RAP1A: variants seen among roughly 807,000 people sequenced by gnomAD.
RAP1A encodes RAP1A, member of RAS oncogene family, also known as ras-related protein Rap-1A.
Under a neutral mutation model 26.4 loss-of-function variants are expected in RAP1A, and 6 were observed. That is an observed-to-expected ratio of 0.23 (90% CI 0.12 to 0.45). The LOEUF is 0.45. Among genes scored for constraint, RAP1A ranks in the 20% least tolerant of loss-of-function variants. The pLI, the probability that RAP1A is intolerant of heterozygous loss-of-function variation, is 0.99. For missense variants in RAP1A, 121 were observed against 217.2 expected (o/e 0.56, Z 2.78); for synonymous variants, 73 against 79.4 (o/e 0.92, Z 0.43).
intron 1 of RAP1A, among the ~76,000 whole-genome samples, chr1:111,588,167 G>A (rs912711733): frequency 9.9e-5 from 15 of 152,116 alleles, no homozygotes; most frequent in Non-Finnish European, 1.8e-4. Flanking sequence ...CTGGAAATGT[G>A]TCCCTTCCTT....
chr1:111,642,681 G>T lies in RAP1A; in HGVS notation c.-28+22747G>T, dbSNP rs1446333480. Among the ~76,000 whole-genome samples the T allele has an allele frequency of 3.0e-4, 45 of 151,232 alleles. 1 individual carries two copies. Among genetic ancestry groups the T allele is most frequent in the Non-Finnish European group, 5.9e-5 (4 of 67,898 alleles). On this transcript the variant is annotated intron_variant, in intron 1 of 7. Coordinates refer to ENST00000369709, the MANE Select transcript of RAP1A (RefSeq NM_002884.4). ...TTTTTGTATTTTTAGCAGAGACAGGGTTTCACCATGTTAGCCAGGATGGTT... is the reference window on the plus strand; with the variant it reads ...TTTTTGTATTTTTAGCAGAGACAGGTTTTCACCATGTTAGCCAGGATGGTT...
At chr1:111,688,309 T>A (rs57924007) in intron 1 of RAP1A, among the ~76,000 whole-genome samples, 19 of 118,274 alleles carry the variant, frequency 1.6e-4, no homozygotes, top group African/African-American at 5.6e-4. Flanking sequence ...GTATATATAT[T>A]TTTTTCTTTC....
At chr1:111,602,930 G>A (rs1311562379) in intron 1 of RAP1A, among the ~76,000 whole-genome samples, 1 of 152,166 alleles carries the variant, frequency 6.6e-6, no homozygotes, top group African/African-American at 2.4e-5. Flanking sequence ...TATCAAGGGA[G>A]GACATAGTGT....
chr1:111,658,360 A>C (rs2101151857), intron 1 of RAP1A, among the ~76,000 whole-genome samples: 1 of 152,338 alleles, frequency 6.6e-6, no homozygotes, highest in South Asian at 2.1e-4. Flanking sequence ...AATTAAGTAA[A>C]TAAATAAAGT....
chr1:111,549,525 C>A (rs755541240), intron 1 of RAP1A, among the ~76,000 whole-genome samples: 6 of 151,698 alleles, frequency 4.0e-5, no homozygotes, highest in African/African-American at 7.3e-5. Context: ...TGGCATGCGC[C>A]TGTAGTCCCA....
chr1:111,562,852 G>C (rs1200391888), intron 1 of RAP1A, among the ~76,000 whole-genome samples: 1 of 152,174 alleles, frequency 6.6e-6, no homozygotes, highest in Non-Finnish European at 1.5e-5. Flanking sequence ...AATCAATCAA[G>C]TACTTTAGAA....
At chr1:111,611,657 G>A (rs1658928763) in intron 1 of RAP1A, among the ~76,000 whole-genome samples, 1 of 151,526 alleles carries the variant, frequency 6.6e-6, no homozygotes, top group Admixed American at 6.6e-5. Flanking sequence ...ACGCACAAGG[G>A]AACTGAAGCT....
chr1:111,629,123 G>A (rs749811913), intron 1 of RAP1A, among the ~76,000 whole-genome samples: 10 of 152,062 alleles, frequency 6.6e-5, no homozygotes, highest in Non-Finnish European at 1.2e-4. Context: ...AAAACCAGTC[G>A]TGTGAGCAGA....
intron 1 of RAP1A, among the ~76,000 whole-genome samples, chr1:111,657,050 A>AT (rs1335868966): frequency 6.7e-6 from 1 of 150,156 alleles, no homozygotes; most frequent in Non-Finnish European, 1.5e-5. Flanking sequence ...CTGTCTCTGA[A>AT]TTTTTTACTA....
At chr1:111,608,913 A>C (rs1309076051) in intron 1 of RAP1A, among the ~76,000 whole-genome samples, 4 of 152,228 alleles carry the variant, frequency 2.6e-5, no homozygotes, top group African/African-American at 7.2e-5. Flanking sequence ...ATTCATTTTC[A>C]TATCAATGTC....
intron 1 of RAP1A, among the ~76,000 whole-genome samples, chr1:111,572,530 T>G (rs1485106120): frequency 6.6e-6 from 1 of 152,222 alleles, no homozygotes; most frequent in African/African-American, 2.4e-5. Context: ...CTGGACCAGA[T>G]TATTTCTACT....
At chr1:111,672,728 T>C (rs1313922614) in intron 1 of RAP1A, among the ~76,000 whole-genome samples, 1 of 152,204 alleles carries the variant, frequency 6.6e-6, no homozygotes, top group East Asian at 1.9e-4. Context: ...ATTTTGTTCA[T>C]TGCTAACCCT....
At chr1:111,662,643 G>C (rs918965593) in intron 1 of RAP1A, among the ~76,000 whole-genome samples, 2 of 152,042 alleles carry the variant, frequency 1.3e-5, no homozygotes, top group African/African-American at 4.8e-5. Flanking sequence ...GATTCTAATA[G>C]TTTTCTAATG....
intron 1 of RAP1A, among the ~76,000 whole-genome samples, chr1:111,637,219 A>G (rs1014372821): frequency 2.0e-5 from 3 of 152,240 alleles, no homozygotes; most frequent in Non-Finnish European, 4.4e-5. Context: ...TTAATGATAT[A>G]TCTTAGCTTT....
chr1:111,571,087 T>C (rs1351190272), intron 1 of RAP1A, among the ~76,000 whole-genome samples: 1 of 152,176 alleles, frequency 6.6e-6, no homozygotes, highest in East Asian at 1.9e-4. Context: ...TGACTACAAA[T>C]TCAAGGGTTC....
At chr1:111,658,917 T>C (rs1224811123) in intron 1 of RAP1A, among the ~76,000 whole-genome samples, 3 of 152,204 alleles carry the variant, frequency 2.0e-5, no homozygotes, top group African/African-American at 4.8e-5. Flanking sequence ...TTTGACACTG[T>C]TGTTAGATGC....
At chr1:111,546,097 C>G (rs528244193) in intron 1 of RAP1A, among the ~76,000 whole-genome samples, 1 of 152,184 alleles carries the variant, frequency 6.6e-6, no homozygotes, top group Non-Finnish European at 1.5e-5. Flanking sequence ...TTTGGTTATT[C>G]AAGGTCTCTT....
exon 1 of RAP1A, chr1:111,542,443 G>A (rs760737666): frequency 1.1e-4 from 24 of 220,154 alleles, no homozygotes; most frequent in Non-Finnish European, 2.2e-4. Flanking sequence ...CCGCCCTTAA[G>A]AGAGCAAGTC....
At chr1:111,562,586 T>C (rs1321671505) in intron 1 of RAP1A, among the ~76,000 whole-genome samples, 1 of 152,244 alleles carries the variant, frequency 6.6e-6, no homozygotes, top group Non-Finnish European at 1.5e-5. Context: ...CCCATACTTG[T>C]GTCCCATAAA....
Sources: gnomAD v4.1 joint callset for allele counts (sites outside exome capture counted in the v4.1 genomes callset) on GRCh38, gnomAD v4.1.1 for gene constraint, MANE v1.5 for transcripts, NCBI Gene and HGNC (gene_info 2026-07-23, HGNC 2026-07-21) for gene names.